Variants in DKK4 observed in about 807,000 individuals in gnomAD.
The protein encoded by DKK4 is dickkopf-related protein 4.
DKK4 carries 15 observed loss-of-function variants against 14.5 expected under a neutral mutation model. The ratio of observed to expected loss-of-function variants is 1.03; its 90% CI spans 0.69 to 1.59. The LOEUF (loss-of-function observed/expected upper bound fraction) is 1.59, where lower values mean the gene tolerates loss of function less well. DKK4 is among the 40% of genes most tolerant of loss of function. The pLI, the probability that DKK4 is intolerant of heterozygous loss-of-function variation, is 0.00. For missense variants in DKK4, 272 were observed against 280.3 expected (o/e 0.97, Z 0.21); for synonymous variants, 89 against 105.2 (o/e 0.85, Z 0.94).
intron 2 of DKK4, among the ~76,000 whole-genome samples, 159 bp downstream of exon 2, chr8:42,375,519 GAA>G (rs111452997): frequency 4.3e-5 from 5 of 117,002 alleles, no homozygotes; most frequent in Non-Finnish European, 3.7e-5. Flanking sequence ...CTCCGCCTCA[GAA>G]AAAAAAAAAA....
rs774054532 is a variant in DKK4, at chr8:42,375,739, C to T, written c.203G>A (p.Gly68Glu). ...DEKPFCATCR[G>E]LRRRCQRDAM... ...ATCTCGCTGGCACCTCCTCCGCAAC[C>T]CACGACATGTAGCACAGAACGGCTT... Residue 68 changes from glycine (G) to glutamate (E), a missense_variant, in exon 2 of 4, where the codon GGG (glycine) becomes GAG (glutamate). Gly to Glu is a moderately conservative substitution (Grantham distance 98, BLOSUM62 -2). Transcript: ENST00000220812. 18 of 1,613,942 alleles carry T rather than the reference C, an allele frequency of 1.1e-5. No homozygotes were observed. In the African/African-American group the frequency reaches 1.9e-4, roughly 17 times the overall value.
chr8:42,374,870 C>G lies in DKK4; in HGVS notation c.306G>C (p.Arg102Ser). The change falls in exon 3 of 4, where the codon AGG becomes AGC. Residue 102 changes from arginine to serine, a missense_variant. Arg to Ser is a moderately radical substitution (Grantham distance 110). Transcript: ENST00000220812. ...TMEDATPILE[R>S]QLDEQDGTHA... Reference sequence around the variant, plus strand: ...GTGTGCCATCTTGCTCATCAAGCTGCCTTTCTAATATTGGGGTTGCATCTT... The same window carrying G: ...GTGTGCCATCTTGCTCATCAAGCTGGCTTTCTAATATTGGGGTTGCATCTT... The G allele has an allele frequency of 1.9e-6, 3 of 1,614,170 alleles. No homozygotes were observed. The highest frequency in any genetic ancestry group is 2.2e-5 in the South Asian group (2 of 91,086).
At chr8:42,385,457 CAGACACAGCTCAG>C in the DKK4 span, among the ~76,000 whole-genome samples, 1 of 152,112 alleles carries the variant, frequency 6.6e-6, no homozygotes. Context: ...AGAAAGTCCT[CAGACACAGCTCAG>C]ATCCTAATTC....
chr8:42,382,570 G>A, the DKK4 span, among the ~76,000 whole-genome samples: 3 of 152,204 alleles, frequency 2.0e-5, no homozygotes, highest in Non-Finnish European at 4.4e-5. Flanking sequence ...CCTCCTGAGC[G>A]GCACCTGGAG....
upstream of DKK4, among the ~76,000 whole-genome samples, chr8:42,379,745 G>C (rs2130876300): frequency 6.6e-6 from 1 of 152,252 alleles, no homozygotes; most frequent in East Asian, 1.9e-4. Context: ...AGGGTGAGGT[G>C]TGTGCAAGAG....
chr8:42,389,302 G>A, the DKK4 span, among the ~76,000 whole-genome samples: 1 of 152,180 alleles, frequency 6.6e-6, no homozygotes, highest in Non-Finnish European at 1.5e-5. Context: ...AGTTAGTTCT[G>A]TTTCACAGAT....
chr8:42,379,143 C>T (rs970506618), upstream of DKK4, among the ~76,000 whole-genome samples: 12 of 148,410 alleles, frequency 8.1e-5, no homozygotes, highest in Non-Finnish European at 1.3e-4. Context: ...CCCAGCTACT[C>T]GGGAGGCTGA....
chr8:42,374,945 T>C, intron 2 of DKK4, 32 bp from the exon 3 acceptor site: 1 of 1,612,584 alleles, frequency 6.2e-7, no homozygotes, highest in African/African-American at 1.3e-5. Flanking sequence ...CTAGAATTAT[T>C]AACTTCAAGG....
At chr8:42,380,328 A>G (rs1240742089), upstream of DKK4, among the ~76,000 whole-genome samples, 21 of 151,690 alleles carry the variant, frequency 1.4e-4, no homozygotes, top group Admixed American at 1.4e-3. Context: ...CTGTCCTCCC[A>G]CCAACAAGAA....
chr8:42,385,282 C>T, the DKK4 span, among the ~76,000 whole-genome samples: 1 of 152,022 alleles, frequency 6.6e-6, no homozygotes, highest in South Asian at 2.1e-4. Flanking sequence ...GTCCCAGCTA[C>T]TCGGGAGGCT....
At chr8:42,389,548 AC>A in the DKK4 span, among the ~76,000 whole-genome samples, 1 of 152,148 alleles carries the variant, frequency 6.6e-6, no homozygotes, top group Admixed American at 6.5e-5. Flanking sequence ...AACTTCAAAT[AC>A]CTTTCACACA....
At chr8:42,383,450 G>A in the DKK4 span, among the ~76,000 whole-genome samples, 4 of 152,242 alleles carry the variant, frequency 2.6e-5, no homozygotes, top group African/African-American at 9.6e-5. Flanking sequence ...GCTCCAGGAG[G>A]CACCTTTGGA....
At chr8:42,388,246 T>A in the DKK4 span, among the ~76,000 whole-genome samples, 1 of 152,146 alleles carries the variant, frequency 6.6e-6, no homozygotes, top group Non-Finnish European at 1.5e-5. Flanking sequence ...TTTGTTTTAT[T>A]TGAGAGGGAG....
chr8:42,389,287 T>C, the DKK4 span, among the ~76,000 whole-genome samples: 1 of 152,198 alleles, frequency 6.6e-6, no homozygotes, highest in East Asian at 1.9e-4. Flanking sequence ...CCTGAGTAGA[T>C]ATTAAGTTAG....
chr8:42,380,435 G>T (rs1824651109), upstream of DKK4, among the ~76,000 whole-genome samples: 1 of 142,268 alleles, frequency 7.0e-6, no homozygotes. Context: ...GAAAGAAGAA[G>T]AGAGAGAGGA....
At chr8:42,381,614 CCT>C (rs996955541), upstream of DKK4, among the ~76,000 whole-genome samples, 2 of 152,300 alleles carry the variant, frequency 1.3e-5, no homozygotes, top group Non-Finnish European at 1.5e-5. Context: ...CCTCCTCTCC[CCT>C]GTCTGCCCTG....
chr8:42,379,387 A>ATATATG (rs1563415728), upstream of DKK4, among the ~76,000 whole-genome samples: 4 of 46,610 alleles, frequency 8.6e-5, no homozygotes, highest in African/African-American at 4.3e-4. Context: ...ATAGAGAGAG[A>ATATATG]GAGAGAGAGA....
At chr8:42,381,380 T>A (rs187602248), upstream of DKK4, among the ~76,000 whole-genome samples, 1 of 152,274 alleles carries the variant, frequency 6.6e-6, no homozygotes, top group East Asian at 1.9e-4. Context: ...ACTGTGGAGA[T>A]ATAAGAGTAG....
Position 42,374,352 on chromosome 8 carries a change from C to G in DKK4, c.423G>C (p.Glu141Asp). The G allele has an allele frequency of 6.2e-7, 1 of 1,613,258 alleles. No homozygotes were observed. The highest frequency in any genetic ancestry group is 8.5e-7 in the Non-Finnish European group (1 of 1,179,884). Residue 141 changes from glutamate to aspartate, a missense_variant, in exon 4 of 4, where the codon GAG becomes GAC. Transcript: ENST00000220812. ...IKKSQGRKGQEGESCLRTFDC... is the reference protein window; with the variant it reads ...IKKSQGRKGQDGESCLRTFDC... Reference sequence around the variant, plus strand: ...CAAAAGTTCTCAGACAACTTTCTCCCTCTTGTCCTGTAACAAGGTTAATGT... The same window carrying G: ...CAAAAGTTCTCAGACAACTTTCTCCGTCTTGTCCTGTAACAAGGTTAATGT...
Sources: allele counts gnomAD v4.1 joint callset (sites outside exome capture counted in the v4.1 genomes callset), GRCh38; gene constraint gnomAD v4.1.1; transcripts MANE v1.5; gene names NCBI Gene and HGNC (gene_info 2026-07-23, HGNC 2026-07-21).